CDC45: variants seen among roughly 807,000 people sequenced by gnomAD.
CDC45 encodes cell division cycle 45.
In CDC45, 54 loss-of-function variants were observed where a neutral mutation model predicts 77.8. The ratio of observed to expected loss-of-function variants is 0.69; its 90% CI spans 0.56 to 0.87. CDC45 has a LOEUF of 0.87. Among genes scored for constraint, CDC45 ranks in the 40% least tolerant of loss-of-function variants. The pLI, the probability that CDC45 is intolerant of heterozygous loss-of-function variation, is 0.00. For synonymous variants in CDC45, 260 were observed against 272.1 expected, an observed-to-expected ratio of 0.96 and a Z score of 0.44; for missense variants, 649 against 721.6, an observed-to-expected ratio of 0.90 and a Z score of 1.15.
chr22:19,490,619 G>A (rs1357625675), intron 5 of CDC45, among the ~76,000 whole-genome samples: 1 of 151,716 alleles, frequency 6.6e-6, no homozygotes, highest in African/African-American at 2.4e-5. Flanking sequence ...CAGGTGATCC[G>A]CCCACCTCAG....
At chr22:19,516,420 C>A in intron 15 of CDC45, 107 bp from the exon 16 acceptor site, 1 of 911,412 alleles carries the variant, frequency 1.1e-6, no homozygotes, top group East Asian at 2.4e-5. Flanking sequence ...GACAGCGTCC[C>A]TGGAGGCTTT....
At position 19,494,361 on chromosome 22, in the gene CDC45, G is replaced by A. The variant is rs774624692; in HGVS notation, c.521G>A (p.Arg174Gln). 5.0e-6 allele frequency: 8 copies of A among 1,613,208 alleles called. No individual in the cohort carries two copies. Among genetic ancestry groups the A allele is most frequent in the African/African-American group, 2.7e-5 (2 of 74,866 alleles). ...GAGCAAACCATGCGGAGGAGGCAGC[G>A]GCGAGAGTGGGAGGCCCGGAGGTGA... ...IVEQTMRRRQ[R>Q]REWEARRRDI... is the part of the protein sequence containing the mutation. The change falls in exon 6 of 19, where the codon CGG (arginine) becomes CAG (glutamine). Residue 174 changes from arginine to glutamine, a missense_variant. By Grantham distance (43) the Arg-to-Gln change is conservative (BLOSUM62 1). Transcript: ENST00000263201.
In CDC45 at chr22:19,508,561, A is replaced by T; in HGVS notation, c.1087A>T (p.Ile363Phe). The change falls in exon 13 of 19, where the codon ATT (isoleucine) becomes TTT (phenylalanine). Residue 363 changes from isoleucine (I) to phenylalanine (F), a missense_variant. Coordinates refer to ENST00000263201, the MANE Select transcript of CDC45 (RefSeq NM_003504.5). ...GGACATGCGCGTGCAGACTTTCAGCATTCATTTTGGGTTCAAGCACAAGTT... is the reference window on the plus strand; with the variant it reads ...GGACATGCGCGTGCAGACTTTCAGCTTTCATTTTGGGTTCAAGCACAAGTT... The part of the protein sequence containing the change: ...MKDMRVQTFS[I>F]HFGFKHKFLA... The T allele has an allele frequency of 6.2e-7, 1 of 1,614,186 alleles. No homozygotes were observed. The highest frequency in any genetic ancestry group is 8.5e-7 in the Non-Finnish European group (1 of 1,180,034).
chr22:19,503,813 A>G (rs1030982068), intron 9 of CDC45, among the ~76,000 whole-genome samples: 3 of 152,364 alleles, frequency 2.0e-5, no homozygotes, highest in African/African-American at 7.2e-5. Flanking sequence ...ACCTTTGAAG[A>G]GGCCACAGGA....
chr22:19,483,820 T>C (rs1245649229), intron 4 of CDC45, 42 bp from the exon 5 acceptor site: 2 of 1,569,648 alleles, frequency 1.3e-6, no homozygotes, highest in Non-Finnish European at 1.7e-6. Flanking sequence ...TAGTTTTCCG[T>C]AGAAAGAGGA....
In CDC45 at chr22:19,520,264, C is replaced by G. The variant is rs1234800231; in HGVS notation, c.*2-217C>G. Among the ~76,000 whole-genome samples, 1 of 151,994 alleles carries G rather than the reference C, an allele frequency of 6.6e-6. No individual in the cohort carries two copies. The highest frequency in any genetic ancestry group is 2.4e-5 in the African/African-American group (1 of 41,358). On this transcript the variant is annotated intron_variant, in intron 18 of 18. Coordinates refer to ENST00000263201, the MANE Select transcript of CDC45 (RefSeq NM_003504.5). The surrounding 1 kb of genome is among the most constrained non-coding windows in gnomAD (Gnocchi z 4.5). The stretch of plus-strand genomic sequence containing the variant: ...CGGGGTCCGTGAGGTAAGAAGGTGC[C>G]CGGGCCAGGGGGCAGGAGCTCTGAT...
At chr22:19,479,715 C>T (rs564372455), upstream of CDC45, 10 of 682,062 alleles carry the variant, frequency 1.5e-5, no homozygotes, top group African/African-American at 1.8e-4. Context: ...TTGAAGGGGG[C>T]AACAGTGTTT....
rs576125318 is a variant in CDC45, at chr22:19,484,851, T to C, written c.486+846T>C. ...CCTTTCACTAGGTTTGGGTGTCTCA[T>C]AGGGAACCTCTTGGACCCACTGTTA... On this transcript the variant is annotated intron_variant, in intron 5 of 18. Coordinates refer to ENST00000263201, the MANE Select transcript of CDC45 (RefSeq NM_003504.5). Among the ~76,000 whole-genome samples the C allele has an allele frequency of 2.2e-4, 34 of 152,360 alleles. 1 individual carries two copies. Among genetic ancestry groups the C allele is most frequent in the African/African-American group, 7.9e-4 (33 of 41,590 alleles).
chr22:19,494,942 C>T (rs1010558277), intron 6 of CDC45, among the ~76,000 whole-genome samples: 2 of 152,122 alleles, frequency 1.3e-5, no homozygotes, highest in Non-Finnish European at 2.9e-5. Flanking sequence ...CCTGTATTCC[C>T]AACACTTTGG....
Position 19,479,955 on chromosome 22 carries a change from C to A in CDC45, c.-14C>A. ...TACCTCAGCGCGAGCGCCAGGCGTC[C>A]GGCCGCCGTGGCTATGTTCGTGTCC... On this transcript the variant is annotated 5_prime_UTR_variant, in exon 1 of 19. Transcript: ENST00000263201. The A allele has an allele frequency of 1.9e-6, 3 of 1,612,728 alleles. No homozygotes were observed. In the East Asian group the frequency reaches 6.7e-5, roughly 36 times the overall value.
intron 13 of CDC45, among the ~76,000 whole-genome samples, chr22:19,512,063 A>C (rs144617370): frequency 2.0e-5 from 3 of 151,306 alleles, no homozygotes; most frequent in African/African-American, 7.3e-5. Context: ...TAATTTTTGT[A>C]TTTTTTGTAG....
At chr22:19,487,059 C>CA (rs1172764470) in intron 5 of CDC45, among the ~76,000 whole-genome samples, 1 of 151,862 alleles carries the variant, frequency 6.6e-6, no homozygotes, top group Non-Finnish European at 1.5e-5. Context: ...TTTGGGAGGC[C>CA]AAGGCGGGTG....
At chr22:19,518,184 G>A (rs1933907272) in intron 17 of CDC45, among the ~76,000 whole-genome samples, 1 of 152,226 alleles carries the variant, frequency 6.6e-6, no homozygotes, top group African/African-American at 2.4e-5. Flanking sequence ...GGAGGACTCG[G>A]GCTGGGAACT....
At chr22:19,481,388 A>G (rs1022599163) in intron 3 of CDC45, among the ~76,000 whole-genome samples, 11 of 151,028 alleles carry the variant, frequency 7.3e-5, no homozygotes. Context: ...TTTATTTTTT[A>G]TTTTTTTTGA....
Position 19,516,838 on chromosome 22 carries a change from G to T in CDC45, c.1581G>T (p.Glu527Asp). The T allele has an allele frequency of 6.2e-7, 1 of 1,614,158 alleles. No individual in the cohort carries two copies. Among genetic ancestry groups the T allele is most frequent in the Non-Finnish European group, 8.5e-7 (1 of 1,179,996 alleles). ...GCAGCTTTTTTGGGAGGGCGTTTGA[G>T]AAGGCAGCGGAAAGCACCAGCTCCC... is the stretch of plus-strand genomic sequence containing the variant. ...DRKNFFGRAF[E>D]KAAESTSSRM... Residue 527 changes from glutamate (E) to aspartate (D), a missense_variant, in exon 17 of 19, where the codon GAG becomes GAT. By Grantham distance (45) the Glu-to-Asp change is conservative. Coordinates refer to ENST00000263201, the MANE Select transcript of CDC45 (RefSeq NM_003504.5).
rs2090034270 is a variant in CDC45, at chr22:19,484,438, T to C, written c.486+433T>C. On this transcript the variant is annotated intron_variant, in intron 5 of 18. Transcript: ENST00000263201. ...CAATTACTGCAGGGGAGGTATCTTGTATGTGAAGATACCAGTGGTTTTCAC... is the reference window on the plus strand; with the variant it reads ...CAATTACTGCAGGGGAGGTATCTTGCATGTGAAGATACCAGTGGTTTTCAC... Among the ~76,000 whole-genome samples the C allele has an allele frequency of 2.0e-5, 3 of 152,320 alleles. No individual in the cohort carries two copies. In the South Asian group the frequency reaches 6.2e-4, roughly 32 times the overall value.
chr22:19,510,934 T>C (rs911362712), intron 13 of CDC45, among the ~76,000 whole-genome samples: 1 of 152,258 alleles, frequency 6.6e-6, no homozygotes, highest in African/African-American at 2.4e-5. Flanking sequence ...TTGACAATTA[T>C]GACTAATGCT....
intron 5 of CDC45, among the ~76,000 whole-genome samples, chr22:19,491,849 C>T (rs2090158326): frequency 1.3e-5 from 2 of 150,912 alleles, no homozygotes; most frequent in Non-Finnish European, 1.5e-5. Flanking sequence ...TTTTTTGAGG[C>T]AGAGTCTCAC....
chr22:19,481,393 T>G (rs1408917513), intron 3 of CDC45, among the ~76,000 whole-genome samples: 1 of 152,208 alleles, frequency 6.6e-6, no homozygotes, highest in African/African-American at 2.4e-5. Flanking sequence ...TTTTTATTTT[T>G]TTTGAAACGG....
Sources: allele counts gnomAD v4.1 joint callset (sites outside exome capture counted in the v4.1 genomes callset), GRCh38; gene constraint gnomAD v4.1.1; non-coding constraint Gnocchi (gnomAD v3.1); transcripts MANE v1.5; gene names NCBI Gene and HGNC (gene_info 2026-07-23, HGNC 2026-07-21).